The following RSRC1 variants were observed in gnomAD, a reference collection of about 807,000 sequenced individuals.
RSRC1 encodes arginine and serine rich coiled-coil 1, also known as serine/Arginine-related protein 53.
A neutral mutation model predicts 49.1 loss-of-function variants in RSRC1; 39 were observed. The observed-to-expected ratio is 0.79, with a 90% CI of 0.61 to 1.04. The LOEUF (loss-of-function observed/expected upper bound fraction) is 1.04. Among genes scored for constraint, RSRC1 ranks in the 50% least tolerant of loss-of-function variants. RSRC1 has a pLI of 0.00. For missense variants in RSRC1, 388 were observed against 402.4 expected (o/e 0.96, Z 0.31); for synonymous variants, 143 against 130.8 (o/e 1.09, Z -0.63).
At chr3:158,359,375 T>C (rs1731347108) in intron 6 of RSRC1, among the ~76,000 whole-genome samples, 1 of 152,188 alleles carries the variant, frequency 6.6e-6, no homozygotes. Context: ...GCCTGAAAAG[T>C]GGTAGCCACC....
intron 6 of RSRC1, among the ~76,000 whole-genome samples, chr3:158,432,095 T>G (rs1735794878): frequency 6.6e-6 from 1 of 151,914 alleles, no homozygotes; most frequent in Non-Finnish European, 1.5e-5. Context: ...TTGTGATCAT[T>G]CCAAAGTTCT....
At chr3:158,505,680 G>C (rs1268709208) in intron 7 of RSRC1, among the ~76,000 whole-genome samples, 9 of 151,942 alleles carry the variant, frequency 5.9e-5, no homozygotes, top group African/African-American at 9.7e-5. Context: ...TGCTATAGAA[G>C]TTCATAGAAG....
In RSRC1 at chr3:158,453,382, C is replaced by CT. The variant is rs11288276; in HGVS notation, c.584-7538dup. 7.2e-3 allele frequency among the ~76,000 whole-genome samples: 999 copies of CT among 138,124 alleles called. 12 individuals carry two copies. Among genetic ancestry groups the CT allele is most frequent in the Admixed American group, 7.4e-3 (102 of 13,796 alleles). 90.6% of individuals were successfully genotyped at this position (138,124 alleles called of 152,430 possible). On this transcript the variant is annotated intron_variant, in intron 6 of 9. Transcript: ENST00000611884. ...GCCAAAAGTCTGTGTAGCCCGGAAC[C>CT]TTTTTTTTTTTTTTTCGAGTCGGAG... is the stretch of plus-strand genomic sequence containing the variant.
chr3:158,207,151 C>T (rs1721385386), intron 4 of RSRC1, among the ~76,000 whole-genome samples: 1 of 152,108 alleles, frequency 6.6e-6, no homozygotes, highest in Admixed American at 6.6e-5. Flanking sequence ...ACACTATCCT[C>T]ATTTCTTTAG....
chr3:158,257,504 C>T (rs553944141), intron 4 of RSRC1, among the ~76,000 whole-genome samples: 2 of 152,040 alleles, frequency 1.3e-5, no homozygotes, highest in South Asian at 4.2e-4. Context: ...CTTTTTTCCT[C>T]CCTTTATTTT....
At chr3:158,236,127 AAGG>A (rs1282220158) in intron 4 of RSRC1, among the ~76,000 whole-genome samples, 8 of 150,756 alleles carry the variant, frequency 5.3e-5, no homozygotes, top group Non-Finnish European at 8.8e-5. Flanking sequence ...AAAAAAAAAA[AAGG>A]AAGAAGAAAA....
chr3:158,284,719 T>C (rs1726405487), intron 4 of RSRC1, among the ~76,000 whole-genome samples: 5 of 152,138 alleles, frequency 3.3e-5, no homozygotes, highest in South Asian at 4.1e-4. Context: ...TCACGTCCTT[T>C]GCCCACTTTT....
intron 4 of RSRC1, among the ~76,000 whole-genome samples, chr3:158,285,363 A>T (rs1578288300): frequency 6.6e-6 from 1 of 152,178 alleles, no homozygotes; most frequent in Admixed American, 6.5e-5. Flanking sequence ...CCTAGGATTG[A>T]CTTGGCAATG....
At chr3:158,426,920 G>A (rs1423393623) in intron 6 of RSRC1, among the ~76,000 whole-genome samples, 2 of 151,786 alleles carry the variant, frequency 1.3e-5, no homozygotes, top group Non-Finnish European at 2.9e-5. Flanking sequence ...AGACTAGTCA[G>A]TTGGTTCTGT....
chr3:158,182,358 A>T (rs1719668765), intron 3 of RSRC1, among the ~76,000 whole-genome samples: 1 of 152,214 alleles, frequency 6.6e-6, no homozygotes, highest in African/African-American at 2.4e-5. Context: ...CTGATTTTAC[A>T]AATACTTTTT....
At chr3:158,355,874 A>G (rs1241458403) in intron 6 of RSRC1, among the ~76,000 whole-genome samples, 3 of 151,862 alleles carry the variant, frequency 2.0e-5, no homozygotes, top group East Asian at 1.9e-4. Context: ...ATATTTATCT[A>G]TCTATATATC....
chr3:158,503,334 G>A (rs1739694348), intron 7 of RSRC1, among the ~76,000 whole-genome samples: 1 of 152,132 alleles, frequency 6.6e-6, no homozygotes. Flanking sequence ...AGCTTTGGTG[G>A]TTTCATGTTC....
At chr3:158,120,471 T>C (rs1715170999) in intron 1 of RSRC1, among the ~76,000 whole-genome samples, 1 of 150,678 alleles carries the variant, frequency 6.6e-6, no homozygotes, top group Non-Finnish European at 1.5e-5. Flanking sequence ...TATTATAAGT[T>C]GGCACAAAAG....
At chr3:158,144,960 T>C (rs1366253663) in intron 3 of RSRC1, among the ~76,000 whole-genome samples, 1 of 152,268 alleles carries the variant, frequency 6.6e-6, no homozygotes, top group Non-Finnish European at 1.5e-5. Context: ...TTCATATCCT[T>C]TGCCCACTTG....
intron 4 of RSRC1, among the ~76,000 whole-genome samples, chr3:158,283,512 A>T (rs914951682): frequency 1.3e-5 from 2 of 152,218 alleles, no homozygotes; most frequent in Non-Finnish European, 2.9e-5. Flanking sequence ...TGATTTAAAA[A>T]AAAAACTTAC....
Position 158,215,973 on chromosome 3 carries a change from TTGAGA to T in RSRC1, c.494+12730_494+12734del, listed in dbSNP as rs891284744. Among the ~76,000 whole-genome samples the T allele has an allele frequency of 2.0e-4, 31 of 151,750 alleles. No individual in the cohort carries two copies. In the Middle Eastern group the frequency reaches 0.01, roughly 50 times the overall value. ...TTATTTTTCATCTTTGAGCTTCTGC[TTGAGA>T]TAATTTTTCTTTATCCTGAAGAGCA... is the stretch of plus-strand genomic sequence containing the variant. On this transcript the variant is annotated intron_variant, in intron 4 of 9. Transcript: ENST00000611884.
At chr3:158,125,621 C>T (rs1715569949) in intron 3 of RSRC1, among the ~76,000 whole-genome samples, 1 of 152,040 alleles carries the variant, frequency 6.6e-6, no homozygotes, top group African/African-American at 2.4e-5. Flanking sequence ...TTTGTTAAGA[C>T]TTGTTTTGTG....
intron 5 of RSRC1, among the ~76,000 whole-genome samples, chr3:158,338,916 T>C (rs923620658): frequency 1.3e-5 from 2 of 152,182 alleles, no homozygotes; most frequent in Non-Finnish European, 2.9e-5. Context: ...GAGAATTTTG[T>C]TAAATGAGGT....
intron 7 of RSRC1, among the ~76,000 whole-genome samples, chr3:158,465,681 TC>T (rs1383056071): frequency 6.6e-6 from 1 of 152,092 alleles, no homozygotes; most frequent in Non-Finnish European, 1.5e-5. Flanking sequence ...CATTTGAAAA[TC>T]CCCCCTTCTT....
Sources: gnomAD v4.1 joint callset for allele counts (sites outside exome capture counted in the v4.1 genomes callset) on GRCh38, gnomAD v4.1.1 for gene constraint, MANE v1.5 for transcripts, NCBI Gene and HGNC (gene_info 2026-07-23, HGNC 2026-07-21) for gene names.